KCTD20: variants seen among roughly 807,000 people sequenced by gnomAD.
The protein encoded by KCTD20 is potassium channel tetramerization domain containing 20.
A neutral mutation model predicts 39.6 loss-of-function variants in KCTD20; 30 were observed. The observed-to-expected ratio is 0.76, with a 90% CI of 0.57 to 1.03. The LOEUF (loss-of-function observed/expected upper bound fraction) is 1.03. Ranked by LOEUF, KCTD20 falls within the 50% of genes least tolerant of loss-of-function variation. The probability of loss-of-function intolerance (pLI) is 0.00; values close to 1 mark genes in which losing one functional copy is unlikely to be tolerated. For synonymous variants in KCTD20, 162 were observed against 180.6 expected (o/e 0.90, Z 0.83); for missense variants, 422 against 522.0 (o/e 0.81, Z 1.87).
chr6:36,483,788 T>G (rs1274037160), intron 6 of KCTD20, among the ~76,000 whole-genome samples: 4 of 152,100 alleles, frequency 2.6e-5, no homozygotes, highest in Non-Finnish European at 5.9e-5. Context: ...GAAAGTGTTG[T>G]GATTACAGGC....
rs764755939 is a variant in KCTD20 at position 36,486,882 on chromosome 6, G to GT, written c.968-1_968insT (p.Gly323ValfsTer6). ...ATGAGAATGGCCTTTTTCCATTGCAGGTTACCCTACCTGTAAAGAAAAAAT... is the reference window on the plus strand; with the variant it reads ...ATGAGAATGGCCTTTTTCCATTGCAGTGTTACCCTACCTGTAAAGAAAAAAT... On this transcript the variant is annotated frameshift_variant and splice_region_variant. Transcript: ENST00000373731. LOFTEE classifies it high-confidence loss of function. 4 of 1,610,200 alleles carry GT rather than the reference G, an allele frequency of 2.5e-6. No homozygotes were observed. The Admixed American group carries it at 6.8e-5, about 27-fold the overall frequency.
intron 1 of KCTD20, among the ~76,000 whole-genome samples, chr6:36,448,453 C>T (rs576096211): frequency 6.6e-6 from 1 of 152,312 alleles, no homozygotes; most frequent in African/African-American, 2.4e-5. Flanking sequence ...TTATCTAAGA[C>T]ACCCTCCATG....
intron 1 of KCTD20, among the ~76,000 whole-genome samples, chr6:36,454,580 G>A (rs1239267980): frequency 6.6e-6 from 1 of 151,884 alleles, no homozygotes; most frequent in Non-Finnish European, 1.5e-5. Context: ...GATTTCAGGT[G>A]ATGCACCCAG....
rs764202489 is a variant in KCTD20 at position 36,487,043 on chromosome 6, G to C, written c.1128G>C (p.Thr376=). The C allele has an allele frequency of 2.5e-6, 4 of 1,614,226 alleles. No individual in the cohort carries two copies. Among genetic ancestry groups the C allele is most frequent in the Non-Finnish European group, 3.4e-6 (4 of 1,180,032 alleles). Residue 376 remains threonine, a synonymous_variant, in exon 8 of 8, where the codon ACG becomes ACC. Coordinates refer to ENST00000373731, the MANE Select transcript of KCTD20 (RefSeq NM_173562.5). ...AGTGTGTTCGAAGCAAATCCCTCAC[G>C]AATCTGGTAGCTGCTGGAGATGATG... The part of the protein sequence containing the change: ...DFQCVRSKSL[T]NLVAAGDDVL...
chr6:36,447,223 A>G (rs1350107432), intron 1 of KCTD20, among the ~76,000 whole-genome samples: 2 of 152,222 alleles, frequency 1.3e-5, no homozygotes, highest in Non-Finnish European at 2.9e-5. Flanking sequence ...AGACAATAAT[A>G]GTACCTACCT....
At chr6:36,445,399 T>C (rs943005693) in intron 1 of KCTD20, among the ~76,000 whole-genome samples, 3 of 152,092 alleles carry the variant, frequency 2.0e-5, no homozygotes, top group Non-Finnish European at 4.4e-5. Flanking sequence ...GCCATGTGTT[T>C]CTGTGACTTT....
At position 36,478,106 on chromosome 6, in the gene KCTD20, G is replaced by A. The variant is rs371877326; in HGVS notation, c.435-1015G>A. Among the ~76,000 whole-genome samples the A allele has an allele frequency of 6.9e-3, 620 of 89,642 alleles. 4 individuals are homozygous for A. The highest frequency in any genetic ancestry group is 0.024 in the Middle Eastern group (5 of 210). The allele number at this position is 89,642 out of a possible 152,430, so 58.8% of individuals were successfully genotyped here. Reference sequence around the variant, plus strand: ...CGAAACTCCATCTCAAAAAAAAAAAGAAAAGAAAAGCAGCCAGTTCAGGCT... The same window carrying A: ...CGAAACTCCATCTCAAAAAAAAAAAAAAAAGAAAAGCAGCCAGTTCAGGCT... On this transcript the variant is annotated intron_variant, in intron 3 of 7. Transcript: ENST00000373731.
In KCTD20 at chr6:36,485,488, C is replaced by CTTT. The variant is rs34990483; in HGVS notation, c.967+686_967+688dup. Among the ~76,000 whole-genome samples the CTTT allele has an allele frequency of 3.3e-3, 320 of 97,086 alleles. 2 individuals are homozygous for CTTT. The highest frequency in any genetic ancestry group is 3.9e-3 in the Non-Finnish European group (196 of 50,080). 63.7% of individuals were successfully genotyped at this position (97,086 alleles called of 152,430 possible). ...TTGGTCTCTCCTACGTGGAGTGGAT[C>CTTT]TTTTTTTTTTTTTTTTTTTTTTTTG... On this transcript the variant is annotated intron_variant, in intron 7 of 7. Transcript: ENST00000373731.
chr6:36,481,891 C>T, intron 6 of KCTD20, 132 bp downstream of exon 6: 1 of 741,030 alleles, frequency 1.3e-6, no homozygotes, highest in South Asian at 1.7e-5. Context: ...ATGACAAATC[C>T]CTAGTGACGC....
At chr6:36,483,257 CTTTTTCTTTTT>C (rs1258290418) in intron 6 of KCTD20, among the ~76,000 whole-genome samples, 1 of 123,732 alleles carries the variant, frequency 8.1e-6, no homozygotes, top group Non-Finnish European at 1.6e-5. Context: ...AAAACAGTGG[CTTTTTCTTTTT>C]TTTTTTTTTT....
intron 1 of KCTD20, among the ~76,000 whole-genome samples, chr6:36,458,005 A>G (rs573579106): frequency 6.6e-6 from 1 of 152,266 alleles, no homozygotes; most frequent in South Asian, 2.1e-4. Context: ...TTGGGAGACC[A>G]TCATAAGGTT....
At chr6:36,474,003 A>G (rs1402439768) in intron 2 of KCTD20, among the ~76,000 whole-genome samples, 1 of 152,218 alleles carries the variant, frequency 6.6e-6, no homozygotes, top group Non-Finnish European at 1.5e-5. Context: ...ATTTCTAGGA[A>G]AAGTAATATA....
chr6:36,453,122 C>G (rs1355255557), intron 1 of KCTD20, among the ~76,000 whole-genome samples: 1 of 150,998 alleles, frequency 6.6e-6, no homozygotes, highest in African/African-American at 2.4e-5. Flanking sequence ...ATTTGAGTGC[C>G]TCAGCCTCCC....
At chr6:36,465,900 T>C (rs745896702) in intron 1 of KCTD20, among the ~76,000 whole-genome samples, 7 of 152,208 alleles carry the variant, frequency 4.6e-5, no homozygotes, top group African/African-American at 1.4e-4. Flanking sequence ...ATTATTAATA[T>C]ACATTTTAAC....
chr6:36,483,118 CAAAAAAAA>C (rs767686820), intron 6 of KCTD20, among the ~76,000 whole-genome samples: 2 of 108,262 alleles, frequency 1.8e-5, no homozygotes, highest in African/African-American at 6.2e-5. Flanking sequence ...GACTCCGTTT[CAAAAAAAA>C]AAAAAAAAAA....
chr6:36,446,531 A>T (rs6457918), intron 1 of KCTD20, among the ~76,000 whole-genome samples: 87,269 of 152,006 alleles, frequency 0.57, 26,615 homozygotes, highest in Middle Eastern at 0.74. Context: ...TTACGCCTGT[A>T]ATCCCAGCAC....
intron 1 of KCTD20, among the ~76,000 whole-genome samples, chr6:36,450,154 A>G (rs1775197824): frequency 8.0e-6 from 1 of 124,442 alleles, no homozygotes; most frequent in Non-Finnish European, 1.6e-5. Flanking sequence ...ACAGAGTGAG[A>G]CTCCGTCCTA....
intron 2 of KCTD20, among the ~76,000 whole-genome samples, chr6:36,472,456 G>A (rs1462483756): frequency 6.6e-6 from 1 of 152,050 alleles, no homozygotes; most frequent in Non-Finnish European, 1.5e-5. Context: ...TTTCCCAGAG[G>A]TCATGGGCAT....
chr6:36,468,746 A>G (rs1011506849), intron 1 of KCTD20, among the ~76,000 whole-genome samples: 1 of 152,262 alleles, frequency 6.6e-6, no homozygotes, highest in Non-Finnish European at 1.5e-5. Context: ...AGCTGTAGTC[A>G]CATTGAAGGT....
Sources: gnomAD v4.1 joint callset for allele counts (sites outside exome capture counted in the v4.1 genomes callset) on GRCh38, gnomAD v4.1.1 for gene constraint, MANE v1.5 for transcripts, NCBI Gene and HGNC (gene_info 2026-07-23, HGNC 2026-07-21) for gene names.